Variants in MYOM2 observed in about 807,000 individuals in gnomAD.
MYOM2 encodes the protein myomesin-2.
Under a neutral mutation model 187.6 loss-of-function variants are expected in MYOM2, and 254 were observed. The observed-to-expected ratio is 1.35, with a 90% CI of 1.22 to 1.50. The LOEUF (loss-of-function observed/expected upper bound fraction) is 1.50, where lower values mean the gene tolerates loss of function less well. MYOM2 is among the 40% of genes most tolerant of loss of function. The probability of loss-of-function intolerance (pLI) is 0.00; values close to 1 mark genes in which losing one functional copy is unlikely to be tolerated. For missense variants in MYOM2, 2,796 were observed against 1,924.0 expected, an observed-to-expected ratio of 1.45 and a Z score of -8.48; for synonymous variants, 981 against 753.8, an observed-to-expected ratio of 1.30 and a Z score of -4.94.
At chr8:2,086,716 C>T (rs1438638917) in intron 14 of MYOM2, among the ~76,000 whole-genome samples, 2 of 152,250 alleles carry the variant, frequency 1.3e-5, no homozygotes, top group Non-Finnish European at 2.9e-5. Flanking sequence ...TCGCTTCCCT[C>T]TCTGGGCGCC....
At chr8:2,097,594 A>C (rs1053401298) in intron 18 of MYOM2, among the ~76,000 whole-genome samples, 3 of 152,126 alleles carry the variant, frequency 2.0e-5, no homozygotes, top group Admixed American at 2.0e-4. Context: ...GGCTCACTGC[A>C]AGCTCCGCCT....
intron 25 of MYOM2, among the ~76,000 whole-genome samples, chr8:2,109,914 C>T (rs560345509): frequency 6.6e-6 from 1 of 152,158 alleles, no homozygotes; most frequent in East Asian, 1.9e-4. Context: ...TGCATTCTCC[C>T]CCCACTGACA....
At chr8:2,054,128 A>G (rs1469926875) in intron 3 of MYOM2, among the ~76,000 whole-genome samples, 1 of 152,166 alleles carries the variant, frequency 6.6e-6, no homozygotes, top group African/African-American at 2.4e-5. Flanking sequence ...ACAAGCATGT[A>G]TTTATCCCTG....
chr8:2,050,801 G>C lies in MYOM2; in HGVS notation c.35G>C (p.Arg12Thr), dbSNP rs1042479114. Residue 12 changes from arginine to threonine, a missense_variant, in exon 2 of 37, where the codon AGA becomes ACA. Physicochemically the swap from Arg to Thr is moderately conservative, Grantham distance 71. Transcript: ENST00000262113. Reference protein sequence around the residue: ...SLVTVPFYQKRHRHFDQSYRN... With the variant: ...SLVTVPFYQKTHRHFDQSYRN... ...GTGACTGTCCCCTTCTACCAGAAGAGACATAGGCACTTCGACCAGTCCTAC... is the reference window on the plus strand; with the variant it reads ...GTGACTGTCCCCTTCTACCAGAAGACACATAGGCACTTCGACCAGTCCTAC... 4 of 1,613,398 alleles carry C rather than the reference G, an allele frequency of 2.5e-6. No individual in the cohort carries two copies. The African/African-American group carries it at 4.0e-5, about 16-fold the overall frequency.
intron 18 of MYOM2, chr8:2,098,068 C>G: frequency 6.6e-6 from 1 of 152,252 alleles, no homozygotes; most frequent in Non-Finnish European, 1.5e-5. Flanking sequence ...GGTCATCTCA[C>G]TCAGCACAAC....
intron 10 of MYOM2, among the ~76,000 whole-genome samples, chr8:2,074,087 A>T (rs1198663276): frequency 1.3e-5 from 2 of 152,128 alleles, no homozygotes; most frequent in South Asian, 2.1e-4. Flanking sequence ...TTCACAGCAG[A>T]CTCACTAGGG....
At position 2,140,786 on chromosome 8, in the gene MYOM2, G is replaced by C. The variant is rs559455848; in HGVS notation, c.3864G>C (p.Leu1288=). Residue 1288 remains leucine (L), a synonymous_variant, in exon 33 of 37, where the codon CTG becomes CTC. Coordinates refer to ENST00000262113, the MANE Select transcript of MYOM2 (RefSeq NM_003970.4). ...GGGGGAGTGAAGAGATGGCTTGGCT[G>C]CAGATATGTGAGCCGACTGAGAAGG... The part of the protein sequence containing the change: ...RIGGSEEMAW[L]QICEPTEKDK... The C allele has an allele frequency of 1.7e-5, 28 of 1,614,096 alleles. No homozygotes were observed. The East Asian group carries it at 5.8e-4, about 33-fold the overall frequency.
In MYOM2 at chr8:2,116,036, G is replaced by T; in HGVS notation, c.3257G>T (p.Gly1086Val). Residue 1086 changes from glycine to valine, a missense_variant, in exon 26 of 37, where the codon GGG becomes GTG. Gly to Val is a moderately radical substitution (Grantham distance 109, BLOSUM62 -3). Transcript: ENST00000262113. ...GATCGATTTAGTATTGAAAATGAGG[G>T]GACCTACACTGTGCAGATTCATGAT... ...VMDRFSIENE[G>V]TYTVQIHDGK... The T allele has an allele frequency of 1.2e-6, 2 of 1,612,514 alleles. No individual in the cohort carries two copies. Among genetic ancestry groups the T allele is most frequent in the South Asian group, 1.1e-5 (1 of 90,840 alleles).
chr8:2,110,528 T>G (rs1797033923), intron 25 of MYOM2, among the ~76,000 whole-genome samples: 1 of 152,212 alleles, frequency 6.6e-6, no homozygotes, highest in South Asian at 2.1e-4. Context: ...AGGACAGCCC[T>G]ATTTCATGGG....
chr8:2,068,462 C>CA (rs1819097343), intron 6 of MYOM2, among the ~76,000 whole-genome samples: 1 of 142,534 alleles, frequency 7.0e-6, no homozygotes, highest in Non-Finnish European at 1.5e-5. Context: ...GTGCACCAGG[C>CA]GGAGAGCATC....
chr8:2,059,407 A>C (rs1354045821), intron 6 of MYOM2, among the ~76,000 whole-genome samples, 162 bp downstream of exon 6: 1 of 152,192 alleles, frequency 6.6e-6, no homozygotes, highest in African/African-American at 2.4e-5. Context: ...TGGTGTTGGA[A>C]GCTTCCCTTT....
At chr8:2,069,759 C>T (rs1341167017) in intron 8 of MYOM2, among the ~76,000 whole-genome samples, 4 of 152,150 alleles carry the variant, frequency 2.6e-5, no homozygotes, top group Non-Finnish European at 1.5e-5. Context: ...TGTTAGCATG[C>T]TGACAATTTG....
In MYOM2 at chr8:2,106,482, C is replaced by G. The variant is rs1264508593; in HGVS notation, c.2892-9C>G. On this transcript the variant is annotated splice_polypyrimidine_tract_variant and intron_variant, in intron 22 of 36. Coordinates refer to ENST00000262113, the MANE Select transcript of MYOM2 (RefSeq NM_003970.4). ...TGATCGACATTCACCTACTCTTCTT[C>G]CTTTTTAGCTCCAAGCTGTACTTAA... The G allele has an allele frequency of 6.2e-7, 1 of 1,610,834 alleles. No individual in the cohort carries two copies. The highest frequency in any genetic ancestry group is 8.5e-7 in the Non-Finnish European group (1 of 1,177,228).
chr8:2,059,196 A>G lies in MYOM2; in HGVS notation c.604A>G (p.Lys202Glu), dbSNP rs773418146. 7 of 1,614,082 alleles carry G rather than the reference A, an allele frequency of 4.3e-6. No homozygotes were observed. The highest frequency in any genetic ancestry group is 5.9e-6 in the Non-Finnish European group (7 of 1,180,050). Residue 202 changes from lysine to glutamate, a missense_variant, in exon 6 of 37, where the codon AAG (lysine) becomes GAG (glutamate). Lys to Glu is a moderately conservative substitution (Grantham distance 56, BLOSUM62 1). Transcript: ENST00000262113. ...GATTTGCCAGGCGGCTGAACCGGGA[A>G]AGTACAGGATTGAGAGCAACTATGG... Reference protein sequence around the residue: ...SLICQAAEPGKYRIESNYGVH... With the variant: ...SLICQAAEPGEYRIESNYGVH...
At position 2,127,326 on chromosome 8, in the gene MYOM2, C is replaced by A. The variant is rs930519763; in HGVS notation, c.3695-1801C>A. ...GCCTTACAGATTTTCAATAACCCTCCTGTCTGCAGCCGGCCCAGATGCAGG... is the reference window on the plus strand; with the variant it reads ...GCCTTACAGATTTTCAATAACCCTCATGTCTGCAGCCGGCCCAGATGCAGG... On this transcript the variant is annotated intron_variant, in intron 31 of 36. Coordinates refer to ENST00000262113, the MANE Select transcript of MYOM2 (RefSeq NM_003970.4). Among the ~76,000 whole-genome samples, 6 of 151,810 alleles carry A rather than the reference C, an allele frequency of 4.0e-5. No individual in the cohort carries two copies. The Admixed American group carries it at 4.0e-4, about 10-fold the overall frequency.
At chr8:2,116,564 G>GT (rs1338013580) in intron 27 of MYOM2, among the ~76,000 whole-genome samples, 1 of 152,184 alleles carries the variant, frequency 6.6e-6, no homozygotes, top group East Asian at 1.9e-4. Flanking sequence ...GCTTTGAAAT[G>GT]TAGAGAAGGC....
At chr8:2,087,484 T>C (rs56829219) in intron 14 of MYOM2, among the ~76,000 whole-genome samples, 4,054 of 152,246 alleles carry the variant, frequency 0.027, 162 homozygotes, top group African/African-American at 0.083. Flanking sequence ...CAAAATATAG[T>C]TATTTGTGTT....
chr8:2,058,751 C>T (rs1016386418), intron 5 of MYOM2, among the ~76,000 whole-genome samples: 4 of 152,144 alleles, frequency 2.6e-5, no homozygotes, highest in Non-Finnish European at 5.9e-5. Context: ...TGGATGGAGC[C>T]ATGAAGCCAG....
chr8:2,101,109 G>C (rs934858925), intron 20 of MYOM2, 55 bp downstream of exon 20: 27 of 1,568,660 alleles, frequency 1.7e-5, no homozygotes, highest in Non-Finnish European at 2.3e-5. Context: ...ACTTTGGGAG[G>C]TAAAGGCGGG....
Sources: gnomAD v4.1 joint callset for allele counts (sites outside exome capture counted in the v4.1 genomes callset) on GRCh38, gnomAD v4.1.1 for gene constraint, MANE v1.5 for transcripts, NCBI Gene and HGNC (gene_info 2026-07-23, HGNC 2026-07-21) for gene names.